THSD7B: variants seen among roughly 807,000 people sequenced by gnomAD.
The protein encoded by THSD7B is thrombospondin type 1 domain containing 7B.
Under a neutral mutation model 213.6 loss-of-function variants are expected in THSD7B, and 138 were observed. That is an observed-to-expected ratio of 0.65 (90% CI 0.56 to 0.74). The LOEUF (loss-of-function observed/expected upper bound fraction) is 0.74, where lower values mean the gene tolerates loss of function less well. Among genes scored for constraint, THSD7B ranks in the 30% least tolerant of loss-of-function variants. THSD7B has a pLI of 0.00. For missense variants in THSD7B, 1,931 were observed against 1,991.5 expected (o/e 0.97, Z 0.58); for synonymous variants, 742 against 687.0 (o/e 1.08, Z -1.25).
At chr2:137,238,796 A>G in intron 9 of THSD7B, among the ~76,000 whole-genome samples, 1 of 139,808 alleles carries the variant, frequency 7.2e-6, no homozygotes, top group Non-Finnish European at 1.5e-5. Flanking sequence ...CTCATGATCC[A>G]CCCGCCTCGG....
chr2:137,414,201 T>C (rs988579969), intron 14 of THSD7B, among the ~76,000 whole-genome samples: 1 of 152,184 alleles, frequency 6.6e-6, no homozygotes, highest in Admixed American at 6.5e-5. Flanking sequence ...AATCATGCTT[T>C]AATCAAAATT....
Position 137,296,488 on chromosome 2 carries a change from C to T in THSD7B, c.2500+20462C>T, listed in dbSNP as rs572852285. Reference sequence around the variant, plus strand: ...CTGTTGAAGCTAGGTAATTATCTATCATGAATGCTGTCACTGTCTTTTGGA... The same window carrying T: ...CTGTTGAAGCTAGGTAATTATCTATTATGAATGCTGTCACTGTCTTTTGGA... On this transcript the variant is annotated intron_variant, in intron 12 of 27. Coordinates refer to ENST00000409968, the MANE Select transcript of THSD7B (RefSeq NM_001316349.2). 2.8e-4 allele frequency among the ~76,000 whole-genome samples: 42 copies of T among 152,234 alleles called. 1 individual carries two copies. The highest frequency in any genetic ancestry group is 2.4e-3 in the Admixed American group (37 of 15,300).
intron 2 of THSD7B, among the ~76,000 whole-genome samples, chr2:136,903,518 C>T (rs903931450): frequency 1.3e-5 from 2 of 152,058 alleles, no homozygotes; most frequent in African/African-American, 2.4e-5. Context: ...TTCTCATGTA[C>T]ACCTCAAAGG....
intron 1 of THSD7B, among the ~76,000 whole-genome samples, chr2:136,840,933 A>G (rs1682910795): frequency 6.6e-6 from 1 of 152,152 alleles, no homozygotes; most frequent in Non-Finnish European, 1.5e-5. Flanking sequence ...TTTTGGTTTG[A>G]TTGGATAGTT....
chr2:137,326,099 T>A (rs1684368788), intron 12 of THSD7B, among the ~76,000 whole-genome samples: 1 of 152,166 alleles, frequency 6.6e-6, no homozygotes, highest in Non-Finnish European at 1.5e-5. Flanking sequence ...TGGCTTCAGT[T>A]TGGATTCTTG....
At chr2:137,158,412 C>T (rs1679949655) in intron 5 of THSD7B, among the ~76,000 whole-genome samples, 1 of 152,186 alleles carries the variant, frequency 6.6e-6, no homozygotes, top group South Asian at 2.1e-4. Context: ...AATACCTGTT[C>T]TCTCTTCCTT....
intron 12 of THSD7B, among the ~76,000 whole-genome samples, chr2:137,279,871 A>G (rs890060899): frequency 6.6e-6 from 1 of 152,290 alleles, no homozygotes; most frequent in East Asian, 1.9e-4. Context: ...TAATTAATTT[A>G]AGGATTTAAA....
chr2:137,543,188 C>A (rs1680639841), intron 15 of THSD7B, among the ~76,000 whole-genome samples: 2 of 151,820 alleles, frequency 1.3e-5, no homozygotes, highest in African/African-American at 4.8e-5. Context: ...TATAAGGACT[C>A]TTTTCCTTAT....
intron 17 of THSD7B, among the ~76,000 whole-genome samples, chr2:137,572,830 G>A (rs1401558378): frequency 6.6e-6 from 1 of 152,052 alleles, no homozygotes; most frequent in Non-Finnish European, 1.5e-5. Context: ...GGATTCAACT[G>A]TGCACCCATT....
intron 12 of THSD7B, among the ~76,000 whole-genome samples, chr2:137,367,892 C>G (rs1685456657): frequency 6.6e-6 from 1 of 152,092 alleles, no homozygotes; most frequent in Non-Finnish European, 1.5e-5. Context: ...CTAATCTAAC[C>G]TTATTTATCA....
intron 12 of THSD7B, among the ~76,000 whole-genome samples, chr2:137,340,630 A>T (rs1286951337): frequency 6.6e-6 from 1 of 151,722 alleles, no homozygotes; most frequent in African/African-American, 2.4e-5. Flanking sequence ...TTCTGTTTCT[A>T]TGGGTTCAAT....
chr2:136,804,045 T>G (rs1002935183), intron 1 of THSD7B, among the ~76,000 whole-genome samples: 1 of 152,152 alleles, frequency 6.6e-6, no homozygotes, highest in Non-Finnish European at 1.5e-5. Flanking sequence ...AGAAATAATG[T>G]CTTACCAGGT....
chr2:137,445,232 T>A (rs1281710119), intron 14 of THSD7B, among the ~76,000 whole-genome samples: 3 of 152,054 alleles, frequency 2.0e-5, no homozygotes, highest in Non-Finnish European at 4.4e-5. Flanking sequence ...AGAACTACCA[T>A]ATGATTCAGC....
intron 1 of THSD7B, among the ~76,000 whole-genome samples, chr2:136,780,664 C>T (rs1003197452): frequency 2.0e-5 from 3 of 152,162 alleles, no homozygotes; most frequent in African/African-American, 4.8e-5. Flanking sequence ...GTGAGAATCA[C>T]CTGACAAAGT....
intron 1 of THSD7B, among the ~76,000 whole-genome samples, chr2:136,773,097 G>A (rs2104899817): frequency 6.6e-6 from 1 of 152,070 alleles, no homozygotes; most frequent in South Asian, 2.1e-4. Context: ...GCTGTCTCAG[G>A]GAAATGTGAG....
chr2:137,251,932 A>G (rs1414695173), intron 10 of THSD7B, among the ~76,000 whole-genome samples: 2 of 152,250 alleles, frequency 1.3e-5, no homozygotes, highest in East Asian at 1.9e-4. Flanking sequence ...AATCAACTCT[A>G]TTTTAGTTTT....
At chr2:137,618,598 C>T in intron 19 of THSD7B, 91 bp downstream of exon 19, 2 of 1,129,252 alleles carry the variant, frequency 1.8e-6, no homozygotes, top group Admixed American at 2.2e-5. Context: ...AGATAACAGA[C>T]TGATTTCTTC....
chr2:137,356,694 T>C (rs1685135821), intron 12 of THSD7B, among the ~76,000 whole-genome samples: 1 of 152,118 alleles, frequency 6.6e-6, no homozygotes, highest in Non-Finnish European at 1.5e-5. Context: ...TCCTCCAGTG[T>C]GCAAAACCAC....
intron 2 of THSD7B, among the ~76,000 whole-genome samples, chr2:136,956,081 AC>A (rs1047899343): frequency 9.9e-5 from 15 of 152,268 alleles, no homozygotes; most frequent in Middle Eastern, 3.4e-3. Flanking sequence ...CACATAAAAA[AC>A]ATTAAGATTC....
Sources: allele counts gnomAD v4.1 joint callset (sites outside exome capture counted in the v4.1 genomes callset), GRCh38; gene constraint gnomAD v4.1.1; transcripts MANE v1.5; gene names NCBI Gene and HGNC (gene_info 2026-07-23, HGNC 2026-07-21).